FAIM: variants seen among roughly 807,000 people sequenced by gnomAD.
FAIM encodes the protein fas apoptotic inhibitory molecule 1.
In FAIM, 14 loss-of-function variants were observed where a neutral mutation model predicts 21.2. That is an observed-to-expected ratio of 0.66 (90% CI 0.44 to 1.03). FAIM has a LOEUF of 1.03. FAIM is among the 50% of genes least tolerant of loss of function. FAIM has a pLI of 0.00. For synonymous variants in FAIM, 86 were observed against 80.4 expected (o/e 1.07, Z -0.37); for missense variants, 222 against 247.1 (o/e 0.90, Z 0.68).
intron 1 of FAIM, among the ~76,000 whole-genome samples, chr3:138,617,005 AT>A (rs958449184): frequency 6.6e-6 from 1 of 152,120 alleles, no homozygotes; most frequent in African/African-American, 2.4e-5. Context: ...AAAAATTGCT[AT>A]TTTTTAAGTA....
chr3:138,622,442 CTT>C (rs11303336), intron 4 of FAIM, 26 bp downstream of exon 4: 83,386 of 1,065,526 alleles, frequency 0.078, 2 homozygotes, highest in South Asian at 0.11. Context: ...TTCCGCAGAA[CTT>C]TTTTTTTTTT....
In FAIM at chr3:138,613,964, A is replaced by G. The variant is rs796606470; in HGVS notation, c.-17+5027A>G. Reference sequence around the variant, plus strand: ...TAGATCATTGAGATAACTTTTGTATATGGTGTGAGATAGGTGAGGTTCAAC... The same window carrying G: ...TAGATCATTGAGATAACTTTTGTATGTGGTGTGAGATAGGTGAGGTTCAAC... On this transcript the variant is annotated intron_variant, in intron 1 of 5. Transcript: ENST00000360570. Among the ~76,000 whole-genome samples, 19 of 152,302 alleles carry G rather than the reference A, an allele frequency of 1.2e-4. 1 individual carries two copies. Among genetic ancestry groups the G allele is most frequent in the African/African-American group, 4.6e-4 (19 of 41,570 alleles).
At chr3:138,625,537 G>A (rs2042930438) in intron 4 of FAIM, among the ~76,000 whole-genome samples, 1 of 152,042 alleles carries the variant, frequency 6.6e-6, no homozygotes, top group South Asian at 2.1e-4. Flanking sequence ...CAAAGAATGG[G>A]CTTATCTAGA....
intron 1 of FAIM, among the ~76,000 whole-genome samples, chr3:138,614,296 T>G (rs2108336150): frequency 6.6e-6 from 1 of 152,166 alleles, no homozygotes; most frequent in Non-Finnish European, 1.5e-5. Context: ...CAAAATTAGC[T>G]GGGTGTTGTG....
chr3:138,632,014 AT>A (rs1294153958), intron 5 of FAIM, among the ~76,000 whole-genome samples: 2 of 151,864 alleles, frequency 1.3e-5, no homozygotes, highest in Non-Finnish European at 2.9e-5. Flanking sequence ...TTTAAGTCTG[AT>A]TTTTGGTTTC....
At chr3:138,614,992 T>C (rs1218993666) in intron 1 of FAIM, among the ~76,000 whole-genome samples, 1 of 152,202 alleles carries the variant, frequency 6.6e-6, no homozygotes, top group African/African-American at 2.4e-5. Flanking sequence ...GATGGGGTTA[T>C]ATCCCAATAA....
chr3:138,613,244 T>A (rs2042790331), intron 1 of FAIM, among the ~76,000 whole-genome samples: 1 of 152,078 alleles, frequency 6.6e-6, no homozygotes, highest in Non-Finnish European at 1.5e-5. Flanking sequence ...GGTCTCGGAC[T>A]CCTGACCTCA....
At chr3:138,626,596 TG>T (rs1337447536) in intron 4 of FAIM, among the ~76,000 whole-genome samples, 7 of 152,240 alleles carry the variant, frequency 4.6e-5, no homozygotes, top group Non-Finnish European at 7.3e-5. Context: ...TCCCAACTGA[TG>T]AACACTTGAG....
At position 138,633,033 on chromosome 3, in the gene FAIM, A is replaced by G. The variant is rs767680218; in HGVS notation, c.560A>G (p.His187Arg). The change falls in exon 6 of 6, where the codon CAT becomes CGT. Residue 187 changes from histidine (H) to arginine (R), a missense_variant. Physicochemically the swap from His to Arg is conservative, Grantham distance 29 (BLOSUM62 0). Transcript: ENST00000360570. Reference sequence around the variant, plus strand: ...GGGAAGCGGAAAGAAGGGATTATTCATACTCTCATTGTGGATAATAGAGAA... The same window carrying G: ...GGGAAGCGGAAAGAAGGGATTATTCGTACTCTCATTGTGGATAATAGAGAA... ...SSGKRKEGII[H>R]TLIVDNREIP... 1 of 1,613,826 alleles carries G rather than the reference A, an allele frequency of 6.2e-7. No homozygotes were observed. The highest frequency in any genetic ancestry group is 8.5e-7 in the Non-Finnish European group (1 of 1,179,836).
At chr3:138,620,133 G>C (rs2042868792) in intron 2 of FAIM, among the ~76,000 whole-genome samples, 1 of 152,200 alleles carries the variant, frequency 6.6e-6, no homozygotes, top group African/African-American at 2.4e-5. Context: ...AGGCTTTGGA[G>C]CCAGAATCCT....
At chr3:138,610,877 C>A in intron 1 of FAIM, 1 of 1,250,742 alleles carries the variant, frequency 8.0e-7, no homozygotes, top group Non-Finnish European at 1.2e-6. Context: ...AGCCATCGCG[C>A]CTGGCCACTT....
At chr3:138,611,767 C>A (rs1300259282) in intron 1 of FAIM, among the ~76,000 whole-genome samples, 1 of 152,204 alleles carries the variant, frequency 6.6e-6, no homozygotes, top group African/African-American at 2.4e-5. Context: ...GCTGTCTCTC[C>A]TGCTTTCTCT....
intron 3 of FAIM, among the ~76,000 whole-genome samples, chr3:138,621,891 T>G (rs2042890001): frequency 1.3e-5 from 2 of 152,158 alleles, no homozygotes; most frequent in Non-Finnish European, 2.9e-5. Context: ...TAAGCTATTC[T>G]CCTGCCTCAG....
intron 1 of FAIM, among the ~76,000 whole-genome samples, chr3:138,611,549 A>G (rs1180549770): frequency 6.6e-6 from 1 of 152,202 alleles, no homozygotes; most frequent in Non-Finnish European, 1.5e-5. Context: ...ACTCTGTGCT[A>G]TGGTTTGGAT....
At chr3:138,609,595 T>TCTCTCTCTCTCCC (rs2042742755) in intron 1 of FAIM, among the ~76,000 whole-genome samples, 1 of 17,896 alleles carries the variant, frequency 5.6e-5, no homozygotes, top group Non-Finnish European at 1.1e-4. Context: ...CTCTCTCGAC[T>TCTCTCTCTCTCCC]CTCTCTCTCT....
chr3:138,611,275 T>C (rs2042765606), intron 1 of FAIM, among the ~76,000 whole-genome samples: 1 of 151,872 alleles, frequency 6.6e-6, no homozygotes. Context: ...TTTTTTTCTT[T>C]TTTTGTTTTT....
intron 4 of FAIM, among the ~76,000 whole-genome samples, chr3:138,625,462 CA>C (rs34565996): frequency 0.61 from 87,321 of 142,036 alleles, 26,321 homozygotes; most frequent in East Asian, 0.98. Context: ...GACTCTGTCT[CA>C]AAAAAAAAAA....
At chr3:138,629,011 G>T (rs1301359175) in intron 4 of FAIM, 96 bp from the exon 5 acceptor site, 2 of 861,082 alleles carry the variant, frequency 2.3e-6, no homozygotes, top group Non-Finnish European at 3.6e-6. Flanking sequence ...TAGAGATCTG[G>T]TATATCAATC....
intron 1 of FAIM, among the ~76,000 whole-genome samples, chr3:138,616,242 C>T (rs1465173909): frequency 6.6e-6 from 1 of 152,198 alleles, no homozygotes; most frequent in East Asian, 1.9e-4. Flanking sequence ...AGATACTGGT[C>T]ACTTTAATCC....
Sources: gnomAD v4.1 joint callset for allele counts (sites outside exome capture counted in the v4.1 genomes callset) on GRCh38, gnomAD v4.1.1 for gene constraint, MANE v1.5 for transcripts, NCBI Gene and HGNC (gene_info 2026-07-23, HGNC 2026-07-21) for gene names.